The following RBMS3 variants were observed in gnomAD, a reference collection of about 807,000 sequenced individuals.
RBMS3 encodes RNA binding motif single stranded interacting protein 3.
RBMS3 carries 27 observed loss-of-function variants against 66.8 expected under a neutral mutation model. The observed-to-expected ratio is 0.40, with a 90% CI of 0.30 to 0.56. RBMS3 has a LOEUF of 0.56. RBMS3 is among the 20% of genes least tolerant of loss of function. The pLI, the probability that RBMS3 is intolerant of heterozygous loss-of-function variation, is 0.40. For synonymous variants in RBMS3, 188 were observed against 183.0 expected, an observed-to-expected ratio of 1.03 and a Z score of -0.22; for missense variants, 513 against 549.5, an observed-to-expected ratio of 0.93 and a Z score of 0.66.
chr3:29,639,746 G>A (rs1460066291), intron 4 of RBMS3, among the ~76,000 whole-genome samples: 2 of 151,770 alleles, frequency 1.3e-5, no homozygotes, highest in South Asian at 2.1e-4. Context: ...CTGCCTGAGA[G>A]AAGGATGAGT....
At chr3:29,945,931 A>G (rs766288641) in intron 12 of RBMS3, among the ~76,000 whole-genome samples, 9 of 151,778 alleles carry the variant, frequency 5.9e-5, no homozygotes, top group Non-Finnish European at 1.2e-4. Context: ...GCAAGAAGAC[A>G]TAAAAATCAC....
At chr3:29,560,101 A>C (rs1298677032) in intron 3 of RBMS3, among the ~76,000 whole-genome samples, 1 of 152,202 alleles carries the variant, frequency 6.6e-6, no homozygotes, top group Non-Finnish European at 1.5e-5. Context: ...TGATAATTTC[A>C]TACAATATGG....
chr3:29,420,585 G>GT (rs1305036681), intron 1 of RBMS3, among the ~76,000 whole-genome samples: 1 of 150,982 alleles, frequency 6.6e-6, no homozygotes, highest in African/African-American at 2.4e-5. Flanking sequence ...GTTTTGTTTT[G>GT]TTTTTATCAA....
chr3:29,928,211 T>TATATATATACACACACAC (rs1291440563), intron 10 of RBMS3, among the ~76,000 whole-genome samples: 3 of 93,508 alleles, frequency 3.2e-5, no homozygotes, highest in African/African-American at 1.3e-4. Context: ...TATATATATA[T>TATATATATACACACACAC]ACACACACAC....
rs1306755808 is a variant in RBMS3 at position 30,003,910 on chromosome 3, CT to C, written c.*50del. 4 of 1,418,350 alleles carry C rather than the reference CT, an allele frequency of 2.8e-6. No individual in the cohort carries two copies. The Admixed American group carries it at 7.5e-5, about 27-fold the overall frequency. 87.9% of individuals were successfully genotyped at this position (1,418,350 alleles called of 1,614,324 possible). ...TGAATCTTTGCCTTGAATGAAGAAACTTCATTGAACAAGAAGTTGGCTTCCA... is the reference window on the plus strand; with the variant it reads ...TGAATCTTTGCCTTGAATGAAGAAACTCATTGAACAAGAAGTTGGCTTCCA... On this transcript the variant is annotated 3_prime_UTR_variant, in exon 15 of 15. Coordinates refer to ENST00000383767, the MANE Select transcript of RBMS3 (RefSeq NM_001003793.3).
intron 6 of RBMS3, among the ~76,000 whole-genome samples, chr3:29,827,235 A>T (rs13073788): frequency 1.5e-3 from 221 of 152,312 alleles, no homozygotes; most frequent in Non-Finnish European, 2.6e-3. Context: ...CCCCTAGAAG[A>T]CACTTATGGA....
In RBMS3 at chr3:29,312,974, A is replaced by G. The variant is rs143512792; in HGVS notation, c.75+31218A>G. On this transcript the variant is annotated intron_variant, in intron 1 of 14. Transcript: ENST00000383767. ...CACGTGTACCCCATCATTTCAGGAC[A>G]GAGGCATGGAGAAGGATGAGAGAGT... 2.2e-3 allele frequency among the ~76,000 whole-genome samples: 338 copies of G among 151,840 alleles called. 4 individuals carry two copies. The highest frequency in any genetic ancestry group is 7.9e-3 in the African/African-American group (326 of 41,492).
At position 29,461,803 on chromosome 3, in the gene RBMS3, G is replaced by T. The variant is rs1442195958; in HGVS notation, c.249-26638G>T. Among the ~76,000 whole-genome samples the T allele has an allele frequency of 4.6e-5, 7 of 151,756 alleles. No individual in the cohort carries two copies. The East Asian group carries it at 1.4e-3, about 29-fold the overall frequency. The stretch of plus-strand genomic sequence containing the variant: ...GAGTCTCACTCTGTCACCTAGGCTG[G>T]ACTGCAGTGGTGCGATCTCGGCTCA... On this transcript the variant is annotated intron_variant, in intron 2 of 14. Coordinates refer to ENST00000383767, the MANE Select transcript of RBMS3 (RefSeq NM_001003793.3).
chr3:29,334,695 G>A lies in RBMS3; in HGVS notation c.75+52939G>A, dbSNP rs563628457. ...AATTTTATTAAAGTCAGGACATGTC[G>A]TTGTTCAGGCTTTCCTGCATTGCGC... On this transcript the variant is annotated intron_variant, in intron 1 of 14. Coordinates refer to ENST00000383767, the MANE Select transcript of RBMS3 (RefSeq NM_001003793.3). 6.6e-5 allele frequency among the ~76,000 whole-genome samples: 10 copies of A among 152,138 alleles called. No homozygotes were observed. In the South Asian group the frequency reaches 1.0e-3, roughly 16 times the overall value.
chr3:29,578,790 CTTTT>C lies in RBMS3; in HGVS notation c.308-8305_308-8302del, dbSNP rs1185861167. 7.8e-3 allele frequency among the ~76,000 whole-genome samples: 791 copies of C among 101,034 alleles called. 35 individuals are homozygous for C. Among genetic ancestry groups the C allele is most frequent in the African/African-American group, 0.034 (746 of 22,024 alleles). 66.3% of individuals were successfully genotyped at this position (101,034 alleles called of 152,430 possible). ...AAAGAATCACAGGTAATACATGCTTCTTTTTTTTTTTTTTTTTTTTTTGAGACGG... is the reference window on the plus strand; with the variant it reads ...AAAGAATCACAGGTAATACATGCTTCTTTTTTTTTTTTTTTTTTGAGACGG... On this transcript the variant is annotated intron_variant, in intron 3 of 14. Coordinates refer to ENST00000383767, the MANE Select transcript of RBMS3 (RefSeq NM_001003793.3).
intron 3 of RBMS3, among the ~76,000 whole-genome samples, chr3:29,548,451 A>G (rs79431129): frequency 7.6e-6 from 1 of 131,268 alleles, no homozygotes; most frequent in Non-Finnish European, 1.8e-5. Flanking sequence ...CAAACAAACA[A>G]AAAACAAAAC....
intron 4 of RBMS3, among the ~76,000 whole-genome samples, chr3:29,637,892 C>A (rs950998354): frequency 1.3e-5 from 2 of 151,854 alleles, no homozygotes; most frequent in Admixed American, 1.3e-4. Flanking sequence ...TGAAAGACCC[C>A]TAAGAAGCCA....
chr3:29,962,491 A>C (rs1331374141), intron 12 of RBMS3, among the ~76,000 whole-genome samples: 1 of 150,284 alleles, frequency 6.7e-6, no homozygotes, highest in Non-Finnish European at 1.5e-5. Context: ...GTGTTTCTAC[A>C]TGGTTACTTT....
At chr3:29,339,980 C>T (rs2036186116) in intron 1 of RBMS3, among the ~76,000 whole-genome samples, 1 of 152,044 alleles carries the variant, frequency 6.6e-6, no homozygotes, top group African/African-American at 2.4e-5. Flanking sequence ...CAAGGGAAAA[C>T]GTTGTGCAAA....
At chr3:29,506,420 A>G (rs529769862) in intron 3 of RBMS3, among the ~76,000 whole-genome samples, 10 of 152,098 alleles carry the variant, frequency 6.6e-5, no homozygotes, top group African/African-American at 2.4e-4. Context: ...ACATCACTGG[A>G]ATAAATTGCA....
At chr3:29,930,109 C>CTT (rs775548425) in intron 10 of RBMS3, among the ~76,000 whole-genome samples, 1 of 43,556 alleles carries the variant, frequency 2.3e-5, no homozygotes, top group African/African-American at 6.3e-5. Flanking sequence ...TTCTTTCTTT[C>CTT]TTTTTTTTTT....
chr3:29,690,931 G>A (rs1232050096), intron 4 of RBMS3, among the ~76,000 whole-genome samples: 1 of 152,152 alleles, frequency 6.6e-6, no homozygotes, highest in Admixed American at 6.5e-5. Flanking sequence ...GCAAAAGAAT[G>A]GGAATATATT....
chr3:29,609,985 G>T (rs2048440263), intron 4 of RBMS3, among the ~76,000 whole-genome samples: 1 of 152,044 alleles, frequency 6.6e-6, no homozygotes, highest in African/African-American at 2.4e-5. Flanking sequence ...CTATTTGCAT[G>T]TATGCTGCTA....
chr3:29,864,306 T>C (rs961498014), intron 6 of RBMS3, among the ~76,000 whole-genome samples: 1 of 152,088 alleles, frequency 6.6e-6, no homozygotes, highest in African/African-American at 2.4e-5. Flanking sequence ...TCATAGGCAA[T>C]TGGAGGTTAA....
Sources: gnomAD v4.1 joint callset for allele counts (sites outside exome capture counted in the v4.1 genomes callset) on GRCh38, gnomAD v4.1.1 for gene constraint, MANE v1.5 for transcripts, NCBI Gene and HGNC (gene_info 2026-07-23, HGNC 2026-07-21) for gene names.